COMMD10: variants seen among roughly 807,000 people sequenced by gnomAD.
The protein encoded by COMMD10 is COMM domain-containing protein 10.
A neutral mutation model predicts 28.9 loss-of-function variants in COMMD10; 33 were observed. The ratio of observed to expected loss-of-function variants is 1.14; its 90% CI spans 0.87 to 1.53. The LOEUF (loss-of-function observed/expected upper bound fraction) is 1.53, where lower values mean the gene tolerates loss of function less well. COMMD10 is among the 40% of genes most tolerant of loss of function. The probability of loss-of-function intolerance (pLI) is 0.00; values close to 1 mark genes in which losing one functional copy is unlikely to be tolerated. For synonymous variants in COMMD10, 110 were observed against 81.7 expected (o/e 1.35, Z -1.87); for missense variants, 310 against 233.4 (o/e 1.33, Z -2.14).
At chr5:116,160,897 T>C (rs539295879) in intron 5 of COMMD10, among the ~76,000 whole-genome samples, 123 of 152,322 alleles carry the variant, frequency 8.1e-4, no homozygotes, top group African/African-American at 2.8e-3. Flanking sequence ...GGTGAACCTG[T>C]GCTATTCTGT....
intron 5 of COMMD10, among the ~76,000 whole-genome samples, chr5:116,269,057 T>G (rs1432673350): frequency 6.6e-6 from 1 of 151,656 alleles, no homozygotes; most frequent in Non-Finnish European, 1.5e-5. Context: ...GTAACAAACC[T>G]GCATGTTGTG....
At chr5:116,226,484 T>A (rs752135846) in intron 5 of COMMD10, among the ~76,000 whole-genome samples, 3 of 150,326 alleles carry the variant, frequency 2.0e-5, no homozygotes, top group Non-Finnish European at 4.4e-5. Context: ...TTTCTGTTAA[T>A]TACATGTGTG....
intron 4 of COMMD10, among the ~76,000 whole-genome samples, chr5:116,106,590 A>C (rs796391853): frequency 5.3e-5 from 8 of 152,238 alleles, no homozygotes; most frequent in African/African-American, 1.7e-4. Flanking sequence ...GGGGTGTTAA[A>C]GTCTCTCACT....
intron 5 of COMMD10, among the ~76,000 whole-genome samples, chr5:116,238,220 C>G (rs555958454): frequency 1.3e-5 from 2 of 152,122 alleles, no homozygotes; most frequent in South Asian, 4.1e-4. Flanking sequence ...TTTGTAGCCA[C>G]TATAATAAAA....
Position 116,087,550 on chromosome 5 carries a change from G to T in COMMD10, c.95G>T (p.Arg32Leu). Residue 32 changes from arginine to leucine, a missense_variant, in exon 2 of 7, where the codon CGG becomes CTG. Arg to Leu is a moderately radical substitution (Grantham distance 102, BLOSUM62 -2). Transcript: ENST00000274458. Reference sequence around the variant, plus strand: ...GCAATAGATACAGGAAGATTTCCACGGTTGCTCACTCGGATTCTTCAAAAA... The same window carrying T: ...GCAATAGATACAGGAAGATTTCCACTGTTGCTCACTCGGATTCTTCAAAAA... The part of the protein sequence containing the change: ...INAIDTGRFP[R>L]LLTRILQKLH... 1.9e-6 allele frequency: 3 copies of T among 1,612,660 alleles called. No homozygotes were observed. Among genetic ancestry groups the T allele is most frequent in the Non-Finnish European group, 2.5e-6 (3 of 1,178,652 alleles).
intron 5 of COMMD10, among the ~76,000 whole-genome samples, chr5:116,269,599 T>C (rs904546895): frequency 2.0e-5 from 3 of 151,906 alleles, no homozygotes; most frequent in African/African-American, 7.3e-5. Flanking sequence ...AATTATATGT[T>C]TTAAATTGTA....
intron 4 of COMMD10, among the ~76,000 whole-genome samples, chr5:116,098,483 AAAAAGTGAAACTTGAATTTGCC>A (rs1750537927): frequency 6.6e-6 from 1 of 152,258 alleles, no homozygotes; most frequent in African/African-American, 2.4e-5. Context: ...AAAAAATTCC[AAAAAGTGAAACTTGAATTTGCC>A]ATGTGCTGAG....
intron 5 of COMMD10, among the ~76,000 whole-genome samples, chr5:116,207,547 A>G (rs1237273972): frequency 6.6e-6 from 1 of 151,758 alleles, no homozygotes; most frequent in Non-Finnish European, 1.5e-5. Flanking sequence ...TTTTCTTGAG[A>G]CAAAGTCTCA....
At chr5:116,216,800 C>G (rs1375682661) in intron 5 of COMMD10, among the ~76,000 whole-genome samples, 1 of 152,096 alleles carries the variant, frequency 6.6e-6, no homozygotes, top group Non-Finnish European at 1.5e-5. Context: ...TCCCAAAGTG[C>G]TGGGATTACA....
intron 5 of COMMD10, among the ~76,000 whole-genome samples, chr5:116,244,021 A>G (rs1446734136): frequency 6.6e-6 from 1 of 152,160 alleles, no homozygotes; most frequent in Admixed American, 6.6e-5. Context: ...TGTTTCTACT[A>G]AAGATGTCTA....
intron 5 of COMMD10, among the ~76,000 whole-genome samples, chr5:116,165,984 C>T (rs1261852501): frequency 1.3e-5 from 2 of 152,118 alleles, no homozygotes; most frequent in Non-Finnish European, 2.9e-5. Context: ...CATTTGGTAA[C>T]ATGAATTGAG....
chr5:116,185,837 A>T (rs774355936), intron 5 of COMMD10, among the ~76,000 whole-genome samples: 15 of 152,082 alleles, frequency 9.9e-5, no homozygotes, highest in Admixed American at 4.6e-4. Flanking sequence ...TATTTTCATT[A>T]TCTTCTTATC....
At chr5:116,196,984 TAAC>T (rs561318178) in intron 5 of COMMD10, among the ~76,000 whole-genome samples, 17 of 152,302 alleles carry the variant, frequency 1.1e-4, no homozygotes, top group Admixed American at 2.0e-4. Flanking sequence ...TACATACAAA[TAAC>T]AACTTTGTAA....
intron 5 of COMMD10, among the ~76,000 whole-genome samples, chr5:116,184,164 A>G (rs1218408451): frequency 6.6e-6 from 1 of 152,016 alleles, no homozygotes; most frequent in Non-Finnish European, 1.5e-5. Flanking sequence ...ATTTATTACC[A>G]TAATAACACG....
At chr5:116,143,808 T>A (rs918727364) in intron 5 of COMMD10, among the ~76,000 whole-genome samples, 1 of 151,926 alleles carries the variant, frequency 6.6e-6, no homozygotes, top group African/African-American at 2.4e-5. Context: ...TTTAAGCATT[T>A]ACTACATGTG....
At chr5:116,124,550 T>G (rs1011323042) in intron 4 of COMMD10, among the ~76,000 whole-genome samples, 1 of 152,166 alleles carries the variant, frequency 6.6e-6, no homozygotes, top group African/African-American at 2.4e-5. Flanking sequence ...ATTCTGTTGA[T>G]TTGGGGTGGA....
intron 5 of COMMD10, among the ~76,000 whole-genome samples, chr5:116,280,379 A>G (rs11748757): frequency 0.03 from 4,612 of 151,922 alleles, 91 homozygotes; most frequent in Non-Finnish European, 0.045. Flanking sequence ...TGTGACATCA[A>G]TTATTATCCC....
chr5:116,188,639 C>CTCTTT (rs1554099295), intron 5 of COMMD10: 53 of 133,818 alleles, frequency 4.0e-4, no homozygotes, highest in African/African-American at 1.0e-3. Context: ...CTCTCTCTCT[C>CTCTTT]TTTTTTTTTT....
At chr5:116,155,195 T>G (rs2112558678) in intron 5 of COMMD10, among the ~76,000 whole-genome samples, 1 of 152,132 alleles carries the variant, frequency 6.6e-6, no homozygotes, top group East Asian at 1.9e-4. Flanking sequence ...GTGGACTTAA[T>G]TGTCTGCATT....
Sources: allele counts gnomAD v4.1 joint callset (sites outside exome capture counted in the v4.1 genomes callset), GRCh38; gene constraint gnomAD v4.1.1; transcripts MANE v1.5; gene names NCBI Gene and HGNC (gene_info 2026-07-23, HGNC 2026-07-21).